Variants in ADAM10 observed in about 807,000 individuals in gnomAD.
The protein encoded by ADAM10 is ADAM metallopeptidase domain 10.
Under a neutral mutation model 90.1 loss-of-function variants are expected in ADAM10, and 17 were observed. The observed-to-expected ratio is 0.19, with a 90% CI of 0.13 to 0.28. The LOEUF (loss-of-function observed/expected upper bound fraction) is 0.28, where lower values mean the gene tolerates loss of function less well. ADAM10 is among the 10% of genes least tolerant of loss of function. The pLI is 1.00. For synonymous variants in ADAM10, 310 were observed against 298.6 expected (o/e 1.04, Z -0.40); for missense variants, 610 against 914.3 (o/e 0.67, Z 4.29).
intron 11 of ADAM10, among the ~76,000 whole-genome samples, chr15:58,619,413 G>A (rs2141006920): frequency 6.6e-6 from 1 of 152,218 alleles, no homozygotes; most frequent in East Asian, 1.9e-4. Flanking sequence ...TGATAGCACA[G>A]TAAAGTTACT....
At chr15:58,748,635 T>C in intron 1 of ADAM10, 1 of 299,456 alleles carries the variant, frequency 3.3e-6, no homozygotes. Context: ...ACCTGAAAGT[T>C]TAACGAAACT....
At chr15:58,617,686 T>C (rs1895657679) in intron 11 of ADAM10, among the ~76,000 whole-genome samples, 1 of 152,124 alleles carries the variant, frequency 6.6e-6, no homozygotes, top group Admixed American at 6.5e-5. Flanking sequence ...TGAAAACTCT[T>C]AGAATTGATA....
Position 58,729,962 on chromosome 15 carries a change from AAAAAACAAAAAC to A in ADAM10, c.56-12247_56-12236del, listed in dbSNP as rs777912120. Among the ~76,000 whole-genome samples the A allele has an allele frequency of 7.5e-3, 1,088 of 144,458 alleles. 32 individuals are homozygous for A. The highest frequency in any genetic ancestry group is 0.037 in the East Asian group (161 of 4,298). 94.8% of individuals were successfully genotyped at this position (144,458 alleles called of 152,430 possible). ...AAGCAACAGAACGAGGCTCTGTAAA[AAAAAACAAAAAC>A]AAAAACAAAAACAAAACAAACAAAC... On this transcript the variant is annotated intron_variant, in intron 1 of 15. Transcript: ENST00000260408.
At chr15:58,659,176 G>C (rs368662870) in intron 5 of ADAM10, among the ~76,000 whole-genome samples, 5 of 152,170 alleles carry the variant, frequency 3.3e-5, no homozygotes, top group African/African-American at 1.2e-4. Context: ...AGGAAGCTGA[G>C]GCAGGAGAAT....
At chr15:58,684,591 G>A (rs1399750057) in intron 2 of ADAM10, among the ~76,000 whole-genome samples, 4 of 152,184 alleles carry the variant, frequency 2.6e-5, no homozygotes, top group Admixed American at 6.5e-5. Flanking sequence ...CCCAGAGAGC[G>A]CACAGAAACT....
chr15:58,703,460 G>A (rs902876582), intron 2 of ADAM10, among the ~76,000 whole-genome samples: 10 of 152,092 alleles, frequency 6.6e-5, no homozygotes, highest in African/African-American at 2.2e-4. Context: ...ACAAACAGAT[G>A]AATAGGTTTT....
chr15:58,670,158 C>T (rs569084927), intron 4 of ADAM10, among the ~76,000 whole-genome samples: 1 of 150,640 alleles, frequency 6.6e-6, no homozygotes, highest in South Asian at 2.1e-4. Flanking sequence ...AGAGATGTGA[C>T]ACTCAAAGGC....
intron 14 of ADAM10, among the ~76,000 whole-genome samples, 193 bp from the exon 15 acceptor site, chr15:58,599,917 A>G (rs563214109): frequency 6.6e-6 from 1 of 152,304 alleles, no homozygotes; most frequent in South Asian, 2.1e-4. Context: ...AGTTTAAAGG[A>G]GAAAATGGAA....
At chr15:58,748,124 A>G (rs1405775256) in intron 1 of ADAM10, 4 of 152,232 alleles carry the variant, frequency 2.6e-5, no homozygotes, top group Non-Finnish European at 5.9e-5. Flanking sequence ...GTCTTGCTTG[A>G]TGAATTGGAT....
chr15:58,682,063 T>C, intron 3 of ADAM10, 133 bp downstream of exon 3: 1 of 1,226,932 alleles, frequency 8.2e-7, no homozygotes, highest in South Asian at 1.4e-5. Flanking sequence ...TCAAAGACCA[T>C]TACCCTTCAT....
chr15:58,695,640 A>G (rs371598395), intron 2 of ADAM10, among the ~76,000 whole-genome samples: 12 of 150,358 alleles, frequency 8.0e-5, no homozygotes, highest in African/African-American at 2.9e-4. Flanking sequence ...AAGATATTTA[A>G]GTTTTAATAT....
At chr15:58,724,807 A>G (rs1296109227) in intron 1 of ADAM10, among the ~76,000 whole-genome samples, 5 of 152,248 alleles carry the variant, frequency 3.3e-5, no homozygotes, top group Admixed American at 2.6e-4. Context: ...GAAAATGTTC[A>G]TATTTCTACC....
chr15:58,688,770 AT>A (rs1201408174), intron 2 of ADAM10, among the ~76,000 whole-genome samples: 15 of 122,626 alleles, frequency 1.2e-4, no homozygotes, highest in African/African-American at 5.4e-4. Flanking sequence ...AAAAAATTAT[AT>A]ATATATATAT....
intron 1 of ADAM10, among the ~76,000 whole-genome samples, chr15:58,739,504 G>A (rs377053534): frequency 1.7e-4 from 26 of 152,032 alleles, no homozygotes; most frequent in African/African-American, 4.6e-4. Flanking sequence ...GTGACAGAGC[G>A]AGACTCCGTC....
At chr15:58,621,789 T>TCTAA (rs1555411903) in intron 10 of ADAM10, among the ~76,000 whole-genome samples, 168 bp from the exon 11 acceptor site, 2 of 151,972 alleles carry the variant, frequency 1.3e-5, no homozygotes, top group African/African-American at 2.4e-5. Flanking sequence ...TAACAGGGGG[T>TCTAA]CTGCTACTAA....
At chr15:58,743,917 T>C (rs1186743182) in intron 1 of ADAM10, among the ~76,000 whole-genome samples, 1 of 152,218 alleles carries the variant, frequency 6.6e-6, no homozygotes, top group African/African-American at 2.4e-5. Flanking sequence ...CAACACTTTT[T>C]CTTAATTCAC....
chr15:58,676,821 A>T (rs1225195156), intron 4 of ADAM10, among the ~76,000 whole-genome samples: 1 of 152,058 alleles, frequency 6.6e-6, no homozygotes, highest in Non-Finnish European at 1.5e-5. Flanking sequence ...TGTCTCCAAA[A>T]AAATAGATAA....
At chr15:58,728,974 C>T (rs1899132280) in intron 1 of ADAM10, among the ~76,000 whole-genome samples, 1 of 152,088 alleles carries the variant, frequency 6.6e-6, no homozygotes, top group Non-Finnish European at 1.5e-5. Context: ...AACATCAAGG[C>T]AAAATATCCA....
Position 58,633,319 on chromosome 15 carries a change from T to C in ADAM10, c.1053A>G (p.Ser351=). ...GGICEKSKLY[S]DGKKKSLNTG... ...TGTTTAAGGACTTCTTCTTACCATCTGAATAGAGTTTACTTTTTTCACATA... is the reference window on the plus strand; with the variant it reads ...TGTTTAAGGACTTCTTCTTACCATCCGAATAGAGTTTACTTTTTTCACATA... The change falls in exon 9 of 16, where the codon TCA becomes TCG. Residue 351 remains serine (S), a synonymous_variant. Transcript: ENST00000260408. 6.2e-7 allele frequency: 1 copy of C among 1,613,766 alleles called. No homozygotes were observed. The highest frequency in any genetic ancestry group is 1.1e-5 in the South Asian group (1 of 91,076).
Sources: gnomAD v4.1 joint callset for allele counts (sites outside exome capture counted in the v4.1 genomes callset) on GRCh38, gnomAD v4.1.1 for gene constraint, MANE v1.5 for transcripts, NCBI Gene and HGNC (gene_info 2026-07-23, HGNC 2026-07-21) for gene names.